Variants in MAF observed in about 807,000 individuals in gnomAD.
The protein encoded by MAF is transcription factor Maf.
Under a neutral mutation model 22.0 loss-of-function variants are expected in MAF, and 10 were observed. That is an observed-to-expected ratio of 0.45 (90% CI 0.28 to 0.77). The LOEUF (loss-of-function observed/expected upper bound fraction) is 0.77, where lower values mean the gene tolerates loss of function less well. Among genes scored for constraint, MAF ranks in the 30% least tolerant of loss-of-function variants. MAF has a pLI of 0.12. For missense variants in MAF, 544 were observed against 548.4 expected (o/e 0.99, Z 0.08); for synonymous variants, 337 against 255.8 (o/e 1.32, Z -3.03).
At chr16:79,212,035 G>C in the MAF span, 2 of 1,536,210 alleles carry the variant, frequency 1.3e-6, no homozygotes, top group Non-Finnish European at 1.7e-6. Flanking sequence ...TTCTGGTGGT[G>C]GCCTGTTTGA....
At chr16:79,326,250 T>G in the MAF span, among the ~76,000 whole-genome samples, 269 of 152,328 alleles carry the variant, frequency 1.8e-3, no homozygotes, top group African/African-American at 6.3e-3. Context: ...ATCAACCTCA[T>G]AGGGCTGTAG....
At chr16:79,449,511 C>G in the MAF span, among the ~76,000 whole-genome samples, 1 of 152,158 alleles carries the variant, frequency 6.6e-6, no homozygotes, top group Non-Finnish European at 1.5e-5. Flanking sequence ...ACCTCTCTTC[C>G]TGCTAGAGAA....
intron 1 of MAF, chr16:79,598,211 AG>A: frequency 9.5e-7 from 1 of 1,050,530 alleles, no homozygotes; most frequent in South Asian, 4.5e-5. Context: ...AGAAGGAGTG[AG>A]GGTGGAGGTT....
the MAF span, among the ~76,000 whole-genome samples, chr16:79,274,062 C>T: frequency 6.7e-6 from 1 of 148,714 alleles, no homozygotes; most frequent in Non-Finnish European, 1.5e-5. Flanking sequence ...TCAAGCAATT[C>T]TCCTGCCTCA....
At chr16:79,383,080 A>C in the MAF span, among the ~76,000 whole-genome samples, 2 of 152,278 alleles carry the variant, frequency 1.3e-5, no homozygotes, top group East Asian at 3.9e-4. Context: ...TCAGTATATC[A>C]TTTGCATGGT....
chr16:79,591,424 C>T (rs1913184556), downstream of MAF, among the ~76,000 whole-genome samples: 1 of 152,160 alleles, frequency 6.6e-6, no homozygotes, highest in South Asian at 2.1e-4. Context: ...ATCTAAGGTG[C>T]ATCTCTGTAG....
At chr16:79,275,889 C>G in the MAF span, among the ~76,000 whole-genome samples, 4 of 152,116 alleles carry the variant, frequency 2.6e-5, no homozygotes, top group African/African-American at 9.7e-5. Context: ...TGCCTGTAAT[C>G]CCAGCACTTT....
chr16:79,202,740 C>T, the MAF span: 1 of 152,118 alleles, frequency 6.6e-6, no homozygotes, highest in African/African-American at 2.4e-5. Flanking sequence ...CTGAAATTGC[C>T]TAGAATAGCA....
the MAF span, among the ~76,000 whole-genome samples, chr16:79,546,298 ATT>A: frequency 1.1e-4 from 16 of 150,834 alleles, no homozygotes; most frequent in Admixed American, 2.6e-4. Context: ...CAATAAGAGA[ATT>A]TTTTTTTTTC....
At chr16:79,458,820 G>C in the MAF span, among the ~76,000 whole-genome samples, 1 of 152,118 alleles carries the variant, frequency 6.6e-6, no homozygotes, top group East Asian at 1.9e-4. Context: ...TTCCTTTCTT[G>C]GGACTTGTCT....
chr16:79,469,543 T>G, the MAF span, among the ~76,000 whole-genome samples: 1 of 152,208 alleles, frequency 6.6e-6, no homozygotes, highest in African/African-American at 2.4e-5. Context: ...AAATGGTCAT[T>G]GCAGAGCTAG....
At chr16:79,598,480 C>A in intron 1 of MAF, 1 of 1,264,504 alleles carries the variant, frequency 7.9e-7, no homozygotes, top group South Asian at 1.7e-5. Flanking sequence ...AACAAGCTAG[C>A]AAGTTATGGA....
chr16:79,229,869 T>A, the MAF span, among the ~76,000 whole-genome samples: 1 of 152,112 alleles, frequency 6.6e-6, no homozygotes, highest in Non-Finnish European at 1.5e-5. Context: ...TCTGCGGCTC[T>A]GAGCTTGCTT....
At chr16:79,432,496 C>G in the MAF span, among the ~76,000 whole-genome samples, 2 of 152,076 alleles carry the variant, frequency 1.3e-5, no homozygotes, top group Non-Finnish European at 2.9e-5. Flanking sequence ...TAACAATATA[C>G]TTAAATAAAA....
At chr16:79,397,324 T>G in the MAF span, among the ~76,000 whole-genome samples, 1 of 152,198 alleles carries the variant, frequency 6.6e-6, no homozygotes, top group East Asian at 1.9e-4. Flanking sequence ...AAATGCAGAT[T>G]AATGCTGCTT....
chr16:79,546,027 T>C, the MAF span, among the ~76,000 whole-genome samples: 6 of 152,158 alleles, frequency 3.9e-5, no homozygotes, highest in Non-Finnish European at 7.4e-5. Context: ...AATATATACA[T>C]TTTTGTCCAT....
chr16:79,456,360 G>C, the MAF span, among the ~76,000 whole-genome samples: 3 of 152,282 alleles, frequency 2.0e-5, no homozygotes, highest in African/African-American at 7.2e-5. Context: ...CAAATTGTCA[G>C]ACCAGTGTTT....
At chr16:79,361,796 G>C in the MAF span, among the ~76,000 whole-genome samples, 1 of 152,132 alleles carries the variant, frequency 6.6e-6, no homozygotes, top group African/African-American at 2.4e-5. Context: ...ATTTTAGGGA[G>C]AATATGAAGG....
the MAF span, among the ~76,000 whole-genome samples, chr16:79,497,729 T>C: frequency 1.3e-5 from 2 of 152,178 alleles, no homozygotes; most frequent in East Asian, 1.9e-4. Flanking sequence ...TGCATAGTCA[T>C]GAATTGCTGA....
Sources: allele counts gnomAD v4.1 joint callset (sites outside exome capture counted in the v4.1 genomes callset), GRCh38; gene constraint gnomAD v4.1.1; transcripts MANE v1.5; gene names NCBI Gene and HGNC (gene_info 2026-07-23, HGNC 2026-07-21).